The following DRD3 variants were observed in gnomAD, a reference collection of about 807,000 sequenced individuals.
DRD3 encodes D(3) dopamine receptor.
A neutral mutation model predicts 36.3 loss-of-function variants in DRD3; 19 were observed. That is an observed-to-expected ratio of 0.52 (90% confidence interval 0.36 to 0.77). The LOEUF (loss-of-function observed/expected upper bound fraction) is 0.77, where lower values mean the gene tolerates loss of function less well. Ranked by LOEUF, DRD3 falls within the 30% of genes least tolerant of loss-of-function variation. DRD3 has a pLI of 0.00. For missense variants in DRD3, 465 were observed against 505.3 expected, an observed-to-expected ratio of 0.92 and a Z score of 0.77; for synonymous variants, 195 against 203.7, an observed-to-expected ratio of 0.96 and a Z score of 0.36.
intron 1 of DRD3, among the ~76,000 whole-genome samples, chr3:114,186,118 C>T (rs566901575): frequency 3.4e-4 from 52 of 152,280 alleles, no homozygotes; most frequent in African/African-American, 1.3e-3. Context: ...AGTGCAGTCA[C>T]TTTCTAATTT....
intron 2 of DRD3, among the ~76,000 whole-genome samples, chr3:114,163,708 G>C (rs1381205823): frequency 6.6e-6 from 1 of 152,084 alleles, no homozygotes; most frequent in African/African-American, 2.4e-5. Context: ...ACTTTGCTTG[G>C]GCGGGTGTAT....
At chr3:114,154,315 A>T (rs1465060025) in intron 3 of DRD3, among the ~76,000 whole-genome samples, 1 of 151,382 alleles carries the variant, frequency 6.6e-6, no homozygotes, top group Non-Finnish European at 1.5e-5. Context: ...GCCCTGTCCC[A>T]GGGTGGGAGA....
Position 114,178,704 on chromosome 3 carries a change from G to A in DRD3, c.-83C>T, listed in dbSNP as rs944963552. On this transcript the variant is annotated 5_prime_UTR_variant, in exon 1 of 7. Transcript: ENST00000383673. ...TGGAGACCGAGGAGTTTACCACTTCGGCTCCTGCAGCCATTTACTGACAGC... is the reference window on the plus strand; with the variant it reads ...TGGAGACCGAGGAGTTTACCACTTCAGCTCCTGCAGCCATTTACTGACAGC... 1.3e-5 allele frequency: 2 copies of A among 152,032 alleles called. No homozygotes were observed. The highest frequency in any genetic ancestry group is 2.9e-5 in the Non-Finnish European group (2 of 67,996). The allele number at this position is 152,032 out of a possible 1,614,324, so 9.4% of individuals were successfully genotyped here.
At chr3:114,154,401 G>A (rs1215777603) in intron 3 of DRD3, among the ~76,000 whole-genome samples, 1 of 152,050 alleles carries the variant, frequency 6.6e-6, no homozygotes, top group Non-Finnish European at 1.5e-5. Context: ...CAGTCCAGGA[G>A]GAAAGAGGCC....
intron 1 of DRD3, 72 bp from the exon 2 acceptor site, chr3:114,172,099 T>A (rs1424357904): frequency 2.5e-6 from 3 of 1,184,996 alleles, no homozygotes; most frequent in Non-Finnish European, 2.2e-6. Context: ...TACATTTTTT[T>A]ATTTATTGCA....
chr3:114,159,480 A>G (rs1415801091), intron 3 of DRD3, among the ~76,000 whole-genome samples: 7 of 152,088 alleles, frequency 4.6e-5, no homozygotes, highest in Non-Finnish European at 1.0e-4. Flanking sequence ...GAAGAAAAAA[A>G]AAACCCCAAA....
At chr3:114,185,402 G>A (rs1048515389) in intron 1 of DRD3, among the ~76,000 whole-genome samples, 1 of 152,034 alleles carries the variant, frequency 6.6e-6, no homozygotes, top group Non-Finnish European at 1.5e-5. Context: ...GTCTAGTGAA[G>A]TTTAAAATTT....
chr3:114,167,318 A>G (rs976389623), intron 2 of DRD3, among the ~76,000 whole-genome samples: 7 of 152,184 alleles, frequency 4.6e-5, no homozygotes, highest in African/African-American at 1.7e-4. Flanking sequence ...AAGGTGCTTC[A>G]CTGAGTGGAA....
intron 1 of DRD3, among the ~76,000 whole-genome samples, chr3:114,173,629 A>G (rs2077868119): frequency 6.6e-6 from 1 of 152,166 alleles, no homozygotes; most frequent in Admixed American, 6.5e-5. Context: ...GAAGCAGATT[A>G]GGGGTGGGGG....
intron 1 of DRD3, among the ~76,000 whole-genome samples, chr3:114,193,712 A>C (rs1367591685): frequency 6.6e-6 from 1 of 152,222 alleles, no homozygotes; most frequent in East Asian, 1.9e-4. Context: ...GATTTTGTGC[A>C]TTTAATAATG....
intron 5 of DRD3, among the ~76,000 whole-genome samples, chr3:114,137,860 T>G (rs1577583890): frequency 2.7e-5 from 4 of 147,382 alleles, no homozygotes; most frequent in Admixed American, 6.8e-5. Context: ...TAGCCGGGCG[T>G]GATGGTGGGC....
chr3:114,196,687 C>T, intron 1 of DRD3, among the ~76,000 whole-genome samples: 1 of 152,156 alleles, frequency 6.6e-6, no homozygotes, highest in East Asian at 1.9e-4. Flanking sequence ...TAGATATGAC[C>T]TGAGGTCTAG....
intron 4 of DRD3, among the ~76,000 whole-genome samples, chr3:114,142,090 G>A (rs2077530981): frequency 2.7e-5 from 4 of 150,622 alleles, no homozygotes; most frequent in Admixed American, 2.7e-4. Flanking sequence ...AAAGAAAATG[G>A]CTCATAGGCT....
At chr3:114,197,294 TTTTTTTTG>T in intron 1 of DRD3, among the ~76,000 whole-genome samples, 1 of 144,382 alleles carries the variant, frequency 6.9e-6, no homozygotes, top group African/African-American at 2.6e-5. Flanking sequence ...TTTTTTTTTT[TTTTTTTTG>T]TAGAGAAGAG....
chr3:114,137,154 T>C, intron 5 of DRD3, among the ~76,000 whole-genome samples: 1 of 152,238 alleles, frequency 6.6e-6, no homozygotes. Context: ...GGTTTCATTC[T>C]GGGGTGAGAG....
In DRD3 at chr3:114,150,497, T is replaced by C. The variant is rs187947551; in HGVS notation, c.384-2940A>G. Among the ~76,000 whole-genome samples, 29 of 152,354 alleles carry C rather than the reference T, an allele frequency of 1.9e-4. 1 individual carries two copies. Among genetic ancestry groups the C allele is most frequent in the Admixed American group, 1.3e-3 (20 of 15,304 alleles). ...TTCAGGATCAAATCTTCTTACAACCTTGATATTTTCCATAGGTCCTTGTAC... is the reference window on the plus strand; with the variant it reads ...TTCAGGATCAAATCTTCTTACAACCCTGATATTTTCCATAGGTCCTTGTAC... On this transcript the variant is annotated intron_variant, in intron 3 of 6. Transcript: ENST00000383673.
chr3:114,176,153 C>T (rs1385094384), intron 1 of DRD3: 1 of 152,204 alleles, frequency 6.6e-6, no homozygotes, highest in African/African-American at 2.4e-5. Flanking sequence ...CTCCTTAGCA[C>T]CTCATTAAGA....
At chr3:114,185,954 A>G (rs891732710) in intron 1 of DRD3, among the ~76,000 whole-genome samples, 23 of 152,148 alleles carry the variant, frequency 1.5e-4, no homozygotes, top group Admixed American at 3.9e-4. Context: ...AACTCTGTAA[A>G]TCAGATTCTC....
chr3:114,156,787 C>G (rs988883938), intron 3 of DRD3, among the ~76,000 whole-genome samples: 2 of 74,718 alleles, frequency 2.7e-5, no homozygotes, highest in Non-Finnish European at 5.7e-5. Context: ...TTCTTTCTTT[C>G]TTTCTTTCTT....
Sources: allele counts gnomAD v4.1 joint callset (sites outside exome capture counted in the v4.1 genomes callset), GRCh38; gene constraint gnomAD v4.1.1; transcripts MANE v1.5; gene names NCBI Gene and HGNC (gene_info 2026-07-23, HGNC 2026-07-21).